The following COQ7 variants were observed in gnomAD, a reference collection of about 807,000 sequenced individuals.
COQ7 encodes NADPH-dependent 3-demethoxyubiquinone 3-hydroxylase, mitochondrial.
Under a neutral mutation model 25.0 loss-of-function variants are expected in COQ7, and 21 were observed. The observed-to-expected ratio is 0.84, with a 90% confidence interval of 0.60 to 1.21. COQ7 has a LOEUF of 1.21. Among genes scored for constraint, COQ7 ranks in the 50% most tolerant of loss-of-function variants. The pLI is 0.00. For synonymous variants in COQ7, 125 were observed against 112.4 expected, an observed-to-expected ratio of 1.11 and a Z score of -0.71; for missense variants, 311 against 296.2, an observed-to-expected ratio of 1.05 and a Z score of -0.37.
intron 1 of COQ7, among the ~76,000 whole-genome samples, chr16:19,069,388 A>G (rs980458332): frequency 3.3e-5 from 5 of 150,728 alleles, no homozygotes; most frequent in Non-Finnish European, 7.4e-5. Context: ...TCCCTTAAAA[A>G]GGAAAGAGCC....
chr16:19,075,789 G>A lies in COQ7; in HGVS notation c.436G>A (p.Ala146Thr), dbSNP rs763006055. Residue 146 changes from alanine (A) to threonine (T), a missense_variant, in exon 4 of 6, where the codon GCA becomes ACA. By Grantham distance (58) the Ala-to-Thr change is moderately conservative (BLOSUM62 0). Coordinates refer to ENST00000321998, the MANE Select transcript of COQ7 (RefSeq NM_016138.5). ...ACTVAVEESI[A>T]HHYNNQIRTL... ...CACCGTGGCGGTGGAAGAGAGCATA[G>A]CACATCACTACAACAACCAGATCAG... 3.1e-6 allele frequency: 5 copies of A among 1,613,646 alleles called. No individual in the cohort carries two copies. Among genetic ancestry groups the A allele is most frequent in the South Asian group, 1.1e-5 (1 of 91,028 alleles).
chr16:19,073,794 G>T (rs915082153), intron 2 of COQ7, 127 bp from the exon 3 acceptor site: 1 of 643,426 alleles, frequency 1.6e-6, no homozygotes. Context: ...TTGACGTTTT[G>T]AGGGGAATGG....
chr16:19,077,469 A>T, intron 5 of COQ7, 95 bp downstream of exon 5: 1 of 1,040,174 alleles, frequency 9.6e-7, no homozygotes, highest in South Asian at 1.5e-5. Context: ...TACATTTTAA[A>T]GTGACAGCGA....
At chr16:19,077,819 C>T (rs894851848) in intron 5 of COQ7, among the ~76,000 whole-genome samples, 1 of 152,026 alleles carries the variant, frequency 6.6e-6, no homozygotes, top group African/African-American at 2.4e-5. Context: ...GTCTCGAACT[C>T]CTGACCTCAG....
At chr16:19,068,045 C>A in intron 1 of COQ7, 1 of 1,237,036 alleles carries the variant, frequency 8.1e-7, no homozygotes. Context: ...CAGTTGGCGA[C>A]ACTGAAAATT....
intron 2 of COQ7, 79 bp downstream of exon 2, chr16:19,072,185 G>A: frequency 1.3e-6 from 2 of 1,545,632 alleles, no homozygotes; most frequent in South Asian, 1.2e-5. Context: ...AATCATGGGA[G>A]GTCAAGCGTT....
At chr16:19,076,999 AC>A (rs2142393580) in intron 4 of COQ7, among the ~76,000 whole-genome samples, 1 of 152,368 alleles carries the variant, frequency 6.6e-6, no homozygotes, top group South Asian at 2.1e-4. Context: ...AAATAAGGGA[AC>A]TGTTTAGTTT....
rs1306282875 is a variant in COQ7, at chr16:19,079,042, A to AGT, written c.*888_*889dup. ...TTGATAGAAGGTGGGGCCCTTGGGAAGTGTGAGGTCATGAGAGTGGAGCCC... is the reference window on the plus strand; with the variant it reads ...TTGATAGAAGGTGGGGCCCTTGGGAAGTGTGTGAGGTCATGAGAGTGGAGCCC... On this transcript the variant is annotated 3_prime_UTR_variant, in exon 6 of 6. Coordinates refer to ENST00000321998, the MANE Select transcript of COQ7 (RefSeq NM_016138.5). The AGT allele has an allele frequency of 6.6e-6, 1 of 152,144 alleles. No individual in the cohort carries two copies. Among genetic ancestry groups the AGT allele is most frequent in the Non-Finnish European group, 1.5e-5 (1 of 68,056 alleles). The allele number at this position is 152,144 out of a possible 1,614,324, so 9.4% of individuals were successfully genotyped here.
chr16:19,075,940 G>A, intron 4 of COQ7, 80 bp downstream of exon 4: 1 of 1,580,926 alleles, frequency 6.3e-7, no homozygotes, highest in Non-Finnish European at 8.7e-7. Context: ...AAACATGTTA[G>A]AGATTGTTAG....
Position 19,078,171 on chromosome 16 carries a change from T to G in COQ7, c.*13T>G. The stretch of plus-strand genomic sequence containing the variant: ...AGAAAGATTATAAAGTGTGTCCAGT[T>G]TTGCCTGTCTATAAAAGATGATAGT... On this transcript the variant is annotated 3_prime_UTR_variant, in exon 6 of 6. Coordinates refer to ENST00000321998, the MANE Select transcript of COQ7 (RefSeq NM_016138.5). The G allele has an allele frequency of 6.2e-7, 1 of 1,604,196 alleles. No homozygotes were observed.
In COQ7 at chr16:19,078,301, TAAACTCTGCAGTG is replaced by T; in HGVS notation, c.*144_*156del. 1 of 608,186 alleles carries T rather than the reference TAAACTCTGCAGTG, an allele frequency of 1.6e-6. No individual in the cohort carries two copies. The highest frequency in any genetic ancestry group is 2.6e-6 in the Non-Finnish European group (1 of 391,954). 37.7% of individuals were successfully genotyped at this position (608,186 alleles called of 1,614,324 possible). On this transcript the variant is annotated 3_prime_UTR_variant, in exon 6 of 6. Transcript: ENST00000321998. ...ATTATAAGGTTTGTTTTTTTTTTTTTAAACTCTGCAGTGTTGATTTTTCTCTGGGTTGTTTTTT... is the reference window on the plus strand; with the variant it reads ...ATTATAAGGTTTGTTTTTTTTTTTTTTTGATTTTTCTCTGGGTTGTTTTTT...
chr16:19,082,960 G>T (rs930607468), downstream of COQ7, among the ~76,000 whole-genome samples: 3 of 152,090 alleles, frequency 2.0e-5, no homozygotes, highest in Non-Finnish European at 4.4e-5. Flanking sequence ...GGCGGGGATG[G>T]GGAGAAATAG....
In COQ7 at chr16:19,079,453, T is replaced by C. The variant is rs1336575235; in HGVS notation, c.*1295T>C. 1.3e-5 allele frequency: 2 copies of C among 152,022 alleles called. No individual in the cohort carries two copies. The highest frequency in any genetic ancestry group is 4.8e-5 in the African/African-American group (2 of 41,452). 9.4% of individuals were successfully genotyped at this position (152,022 alleles called of 1,614,324 possible). On this transcript the variant is annotated 3_prime_UTR_variant, in exon 6 of 6. Coordinates refer to ENST00000321998, the MANE Select transcript of COQ7 (RefSeq NM_016138.5). ...CAGATTTTCATACTTTAATGAAATA[T>C]TTTATAATTTGCAAATTTTTAAGTA...
chr16:19,078,162 G>A lies in COQ7; in HGVS notation c.*4G>A, dbSNP rs1399143388. 2.5e-6 allele frequency: 4 copies of A among 1,607,754 alleles called. No individual in the cohort carries two copies. The highest frequency in any genetic ancestry group is 2.5e-6 in the Non-Finnish European group (3 of 1,177,092). ...ATATTTATCAGAAAGATTATAAAGT[G>A]TGTCCAGTTTTGCCTGTCTATAAAA... On this transcript the variant is annotated 3_prime_UTR_variant, in exon 6 of 6. Coordinates refer to ENST00000321998, the MANE Select transcript of COQ7 (RefSeq NM_016138.5).
At chr16:19,074,199 A>G in intron 3 of COQ7, 164 bp downstream of exon 3, 1 of 540,708 alleles carries the variant, frequency 1.8e-6, no homozygotes, top group South Asian at 2.5e-5. Flanking sequence ...TGTGTGGTTA[A>G]ATTTATTTAA....
intron 1 of COQ7, among the ~76,000 whole-genome samples, chr16:19,069,079 C>T (rs1962410206): frequency 6.6e-6 from 1 of 152,150 alleles, no homozygotes; most frequent in African/African-American, 2.4e-5. Context: ...GGGTTATTTG[C>T]TGCATATCCA....
intron 4 of COQ7, among the ~76,000 whole-genome samples, chr16:19,076,379 A>G (rs1962840895): frequency 6.6e-6 from 1 of 150,964 alleles, no homozygotes; most frequent in African/African-American, 2.4e-5. Context: ...ATAGGCATGA[A>G]CCACCACATC....
Position 19,079,424 on chromosome 16 carries a change from G to A in COQ7, c.*1266G>A, listed in dbSNP as rs1963028644. The A allele has an allele frequency of 6.8e-6, 1 of 146,216 alleles. No individual in the cohort carries two copies. Among genetic ancestry groups the A allele is most frequent in the African/African-American group, 2.6e-5 (1 of 39,100 alleles). 9.1% of individuals were successfully genotyped at this position (146,216 alleles called of 1,614,324 possible). ...CCCCCCAAAAAAATCCCCCAAAACTGATTCAGATTTTCATACTTTAATGAA... is the reference window on the plus strand; with the variant it reads ...CCCCCCAAAAAAATCCCCCAAAACTAATTCAGATTTTCATACTTTAATGAA... On this transcript the variant is annotated 3_prime_UTR_variant, in exon 6 of 6. Coordinates refer to ENST00000321998, the MANE Select transcript of COQ7 (RefSeq NM_016138.5).
chr16:19,082,665 G>A (rs117037851), downstream of COQ7, among the ~76,000 whole-genome samples: 680 of 151,970 alleles, frequency 4.5e-3, 4 homozygotes, highest in Non-Finnish European at 7.7e-3. Context: ...CTACTCACGA[G>A]CTGAGGCAGG....
Sources: gnomAD v4.1 joint callset for allele counts (sites outside exome capture counted in the v4.1 genomes callset) on GRCh38, gnomAD v4.1.1 for gene constraint, MANE v1.5 for transcripts, NCBI Gene and HGNC (gene_info 2026-07-23, HGNC 2026-07-21) for gene names.